The following NMRAL1 variants were observed in gnomAD, a reference collection of about 807,000 sequenced individuals.
NMRAL1 encodes NmrA like redox sensor 1, also known as nmrA-like family domain-containing protein 1.
Under a neutral mutation model 27.5 loss-of-function variants are expected in NMRAL1, and 32 were observed. The ratio of observed to expected loss-of-function variants is 1.16; its 90% CI spans 0.88 to 1.56. NMRAL1 has a LOEUF of 1.56. NMRAL1 is among the 40% of genes most tolerant of loss of function. The pLI, the probability that NMRAL1 is intolerant of heterozygous loss-of-function variation, is 0.00. For synonymous variants in NMRAL1, 166 were observed against 166.8 expected, an observed-to-expected ratio of 1.00 and a Z score of 0.04; for missense variants, 420 against 392.0, an observed-to-expected ratio of 1.07 and a Z score of -0.60.
At position 4,474,162 on chromosome 16, in the gene NMRAL1, G is replaced by C. The variant is rs958592773; in HGVS notation, c.-30C>G. 5.0e-6 allele frequency: 8 copies of C among 1,606,278 alleles called. No homozygotes were observed. The African/African-American group carries it at 9.4e-5, about 19-fold the overall frequency. On this transcript the variant is annotated 5_prime_UTR_variant, in exon 2 of 6. Coordinates refer to ENST00000283429, the MANE Select transcript of NMRAL1 (RefSeq NM_020677.6). ...ACGAGAATGGGACGAATCCGGTCCA[G>C]AGATCTGGGGGTAATGGGAGGCGTG...
At chr16:4,474,279 G>A in intron 1 of NMRAL1, 113 bp from the exon 2 acceptor site, 1 of 726,138 alleles carries the variant, frequency 1.4e-6, no homozygotes, top group South Asian at 1.8e-5. Flanking sequence ...GGGCGGCTGG[G>A]CCCGGAGCGG....
Position 4,469,475 on chromosome 16 carries a change from A to G in NMRAL1, c.41-10T>C. ...GAGCCACCCTGGGCACCTACAAAGA[A>G]TCAAAAAGACCTCTCAGGTCAGACC... On this transcript the variant is annotated splice_polypyrimidine_tract_variant and intron_variant, in intron 2 of 5. Coordinates refer to ENST00000283429, the MANE Select transcript of NMRAL1 (RefSeq NM_020677.6). 1 of 1,613,046 alleles carries G rather than the reference A, an allele frequency of 6.2e-7. No individual in the cohort carries two copies.
chr16:4,466,353 A>ACCACAATAGG lies in NMRAL1; in HGVS notation c.328_329insCCTATTGTGG (p.Val110AlafsTer25). The stretch of plus-strand genomic sequence containing the variant: ...CTTGATGTTCTCCAGGCCGCTGTAG[A>ACCACAATAGG]CCACATAGTGGAGGCCCAGGCGCCT... On this transcript the variant is annotated frameshift_variant, in exon 4 of 6. Coordinates refer to ENST00000283429, the MANE Select transcript of NMRAL1 (RefSeq NM_020677.6). LOFTEE classifies it high-confidence loss of function. 1 of 1,613,692 alleles carries ACCACAATAGG rather than the reference A, an allele frequency of 6.2e-7. No homozygotes were observed. Among genetic ancestry groups the ACCACAATAGG allele is most frequent in the African/African-American group, 1.3e-5 (1 of 75,024 alleles).
At chr16:4,471,316 T>C (rs1337908610) in intron 2 of NMRAL1, 2 of 152,128 alleles carry the variant, frequency 1.3e-5, no homozygotes, top group African/African-American at 4.8e-5. Context: ...AGATGTACCC[T>C]TAAGATTTTG....
chr16:4,462,725 C>T (rs539574743), intron 5 of NMRAL1, among the ~76,000 whole-genome samples: 80 of 151,964 alleles, frequency 5.3e-4, no homozygotes, highest in Non-Finnish European at 9.9e-4. Flanking sequence ...GGGGTTTCAC[C>T]GTGTTAGTCA....
At position 4,474,283 on chromosome 16, in the gene NMRAL1, G is replaced by A. The variant is rs187110751; in HGVS notation, c.-34-117C>T. 85 of 705,588 alleles carry A rather than the reference G, an allele frequency of 1.2e-4. 2 individuals carry two copies. In the African/African-American group the frequency reaches 1.4e-3, roughly 12 times the overall value. The allele number at this position is 705,588 out of a possible 1,614,324, so 43.7% of individuals were successfully genotyped here. On this transcript the variant is annotated intron_variant, in intron 1 of 5. Transcript: ENST00000283429. ...TGTGTCGAAGGGGGCGGCTGGGCCC[G>A]GAGCGGCAAGACGCCTGTCCCGAGA...
intron 3 of NMRAL1, among the ~76,000 whole-genome samples, chr16:4,468,470 G>A (rs1023264703): frequency 6.6e-6 from 1 of 151,842 alleles, no homozygotes; most frequent in African/African-American, 2.4e-5. Flanking sequence ...ACAAAAATTA[G>A]TTGGGTGTGC....
chr16:4,474,126 C>G lies in NMRAL1; in HGVS notation c.7G>C (p.Asp3His). 6.2e-7 allele frequency: 1 copy of G among 1,612,122 alleles called. No individual in the cohort carries two copies. Among genetic ancestry groups the G allele is most frequent in the Non-Finnish European group, 8.5e-7 (1 of 1,179,056 alleles). Residue 3 changes from aspartate (D) to histidine (H), a missense_variant, in exon 2 of 6, where the codon GAC becomes CAC. Transcript: ENST00000283429. Reference sequence around the variant, plus strand: ...CCGAAAACCACCACCAGTTTCTTGTCCACCATGAGGACGAGAATGGGACGA... The same window carrying G: ...CCGAAAACCACCACCAGTTTCTTGTGCACCATGAGGACGAGAATGGGACGA... MV[D>H]KKLVVVFGGT...
At position 4,474,118 on chromosome 16, in the gene NMRAL1, T is replaced by A; in HGVS notation, c.15A>T (p.Lys5Asn). MVDK[K>N]LVVVFGGTGA... The stretch of plus-strand genomic sequence containing the variant: ...CTGTGCCTCCGAAAACCACCACCAG[T>A]TTCTTGTCCACCATGAGGACGAGAA... The change falls in exon 2 of 6, where the codon AAA (lysine) becomes AAT (asparagine). Residue 5 changes from lysine to asparagine, a missense_variant. Physicochemically the swap from Lys to Asn is moderately conservative, Grantham distance 94 (BLOSUM62 0). Coordinates refer to ENST00000283429, the MANE Select transcript of NMRAL1 (RefSeq NM_020677.6). 6.2e-7 allele frequency: 1 copy of A among 1,612,406 alleles called. No homozygotes were observed. Among genetic ancestry groups the A allele is most frequent in the Non-Finnish European group, 8.5e-7 (1 of 1,179,220 alleles).
At chr16:4,462,826 C>T (rs2057157985) in intron 5 of NMRAL1, among the ~76,000 whole-genome samples, 1 of 151,786 alleles carries the variant, frequency 6.6e-6, no homozygotes, top group African/African-American at 2.4e-5. Flanking sequence ...CCTGACCCAA[C>T]TTTCGTCTTT....
intron 3 of NMRAL1, 31 bp downstream of exon 3, chr16:4,469,195 CG>C: frequency 6.6e-7 from 1 of 1,508,752 alleles, no homozygotes; most frequent in Non-Finnish European, 9.2e-7. Context: ...CTAGCCTGGC[CG>C]GGCCTCCCTG....
Position 4,461,773 on chromosome 16 carries a change from G to A in NMRAL1, c.*7C>T, listed in dbSNP as rs762043314. 1.7e-5 allele frequency: 28 copies of A among 1,604,400 alleles called. No homozygotes were observed. In the East Asian group the frequency reaches 2.0e-4, roughly 12 times the overall value. On this transcript the variant is annotated 3_prime_UTR_variant, in exon 6 of 6. Transcript: ENST00000283429. ...CGATCCCCACAAGGGGCCGCGAGGC[G>A]GGCAGGTCACAGCAGGTTGAAGTCC...
intron 5 of NMRAL1, 125 bp from the exon 6 acceptor site, chr16:4,462,084 C>A (rs554400782): frequency 2.6e-6 from 2 of 756,142 alleles, no homozygotes; most frequent in East Asian, 2.5e-5. Context: ...GTCTCGGTCC[C>A]TGACCCAGGT....
At chr16:4,469,051 A>G (rs1028941379) in intron 3 of NMRAL1, among the ~76,000 whole-genome samples, 176 bp downstream of exon 3, 1 of 152,080 alleles carries the variant, frequency 6.6e-6, no homozygotes, top group Non-Finnish European at 1.5e-5. Flanking sequence ...AACAAAAAAA[A>G]AGTAATTGGA....
rs574054376 is a variant in NMRAL1 at position 4,466,593 on chromosome 16, G to A, written c.280-191C>T. 57 of 606,606 alleles carry A rather than the reference G, an allele frequency of 9.4e-5. No individual in the cohort carries two copies. The Admixed American group carries it at 1.3e-3, about 14-fold the overall frequency. 37.6% of individuals were successfully genotyped at this position (606,606 alleles called of 1,614,324 possible). A position where few individuals can be genotyped will look rare whatever the true frequency, so the allele number is the denominator to read the frequency against. ...ACACCACGCCCGTAAACACAGCCCCGGAAGCCTTCTACCAGCCACTGACTC... is the reference window on the plus strand; with the variant it reads ...ACACCACGCCCGTAAACACAGCCCCAGAAGCCTTCTACCAGCCACTGACTC... On this transcript the variant is annotated intron_variant, in intron 3 of 5. Coordinates refer to ENST00000283429, the MANE Select transcript of NMRAL1 (RefSeq NM_020677.6).
At chr16:4,464,129 T>C (rs2141420006) in intron 4 of NMRAL1, 1 of 509,764 alleles carries the variant, frequency 2.0e-6, no homozygotes. Context: ...GCTAAGAACC[T>C]GGGCCTGCCC....
At chr16:4,462,436 C>A (rs888151094) in intron 5 of NMRAL1, among the ~76,000 whole-genome samples, 6 of 152,148 alleles carry the variant, frequency 3.9e-5, no homozygotes, top group African/African-American at 1.4e-4. Flanking sequence ...TGAGATCACC[C>A]CACTGTACTC....
chr16:4,466,557 G>A (rs975650458), intron 3 of NMRAL1, 155 bp from the exon 4 acceptor site: 10 of 675,558 alleles, frequency 1.5e-5, no homozygotes, highest in Middle Eastern at 4.1e-4. Flanking sequence ...CTGGAATGAT[G>A]TTCACACATG....
intron 4 of NMRAL1, among the ~76,000 whole-genome samples, chr16:4,465,386 CTGAG>C (rs1160102884): frequency 2.0e-5 from 3 of 152,136 alleles, no homozygotes; most frequent in Non-Finnish European, 4.4e-5. Context: ...GCCCTGATCA[CTGAG>C]TGACCAGCAG....
Sources: gnomAD v4.1 joint callset for allele counts (sites outside exome capture counted in the v4.1 genomes callset) on GRCh38, gnomAD v4.1.1 for gene constraint, MANE v1.5 for transcripts, NCBI Gene and HGNC (gene_info 2026-07-23, HGNC 2026-07-21) for gene names.